Variants in GRID2 observed in about 807,000 individuals in gnomAD.
GRID2 encodes the protein glutamate ionotropic receptor delta type subunit 2.
Under a neutral mutation model 114.8 loss-of-function variants are expected in GRID2, and 33 were observed. The observed-to-expected ratio is 0.29, with a 90% CI of 0.22 to 0.38. The LOEUF (loss-of-function observed/expected upper bound fraction) is 0.38, where lower values mean the gene tolerates loss of function less well. Ranked by LOEUF, GRID2 falls within the 10% of genes least tolerant of loss-of-function variation. The pLI is 1.00. For synonymous variants in GRID2, 505 were observed against 449.9 expected, an observed-to-expected ratio of 1.12 and a Z score of -1.55; for missense variants, 1,184 against 1,257.7, an observed-to-expected ratio of 0.94 and a Z score of 0.89.
intron 2 of GRID2, among the ~76,000 whole-genome samples, chr4:92,969,017 C>T (rs17020040): frequency 0.015 from 2,257 of 151,744 alleles, 21 homozygotes; most frequent in East Asian, 0.054. Context: ...AGAGTTTTTA[C>T]TTAATTACAC....
At chr4:93,621,716 T>C (rs1217871492) in intron 13 of GRID2, among the ~76,000 whole-genome samples, 1 of 152,214 alleles carries the variant, frequency 6.6e-6, no homozygotes, top group Non-Finnish European at 1.5e-5. Context: ...AGTGATTATA[T>C]GTTTTAATTG....
chr4:93,073,330 G>A (rs1461498724), intron 2 of GRID2, among the ~76,000 whole-genome samples: 1 of 152,036 alleles, frequency 6.6e-6, no homozygotes, highest in African/African-American at 2.4e-5. Context: ...GTAAACTTAT[G>A]GTATTGAAGA....
intron 14 of GRID2, among the ~76,000 whole-genome samples, chr4:93,677,340 T>C (rs1462600067): frequency 1.3e-5 from 2 of 152,144 alleles, no homozygotes; most frequent in African/African-American, 4.8e-5. Context: ...AGGCTCCACC[T>C]CTGGGGGCAG....
At chr4:93,656,829 C>CAAAAAAAAAAAAAAA (rs61508444) in intron 14 of GRID2, among the ~76,000 whole-genome samples, 1 of 31,914 alleles carries the variant, frequency 3.1e-5, no homozygotes, top group Non-Finnish European at 5.9e-5. Flanking sequence ...GACTCTGCCT[C>CAAAAAAAAAAAAAAA]AAAAAAAAAA....
At chr4:93,223,514 C>CCATCCTGTGATGTGGG (rs1454460026) in intron 6 of GRID2, among the ~76,000 whole-genome samples, 2 of 152,184 alleles carry the variant, frequency 1.3e-5, no homozygotes, top group African/African-American at 4.8e-5. Context: ...TGTGGGTAGA[C>CCATCCTGTGATGTGGG]TATTTTAAAA....
intron 8 of GRID2, among the ~76,000 whole-genome samples, chr4:93,296,342 A>T (rs1463903176): frequency 6.6e-6 from 1 of 150,404 alleles, no homozygotes. Context: ...CCATGTCAAG[A>T]TCCTTAATTT....
At chr4:92,888,969 T>G (rs1189379116) in intron 2 of GRID2, among the ~76,000 whole-genome samples, 1 of 152,136 alleles carries the variant, frequency 6.6e-6, no homozygotes, top group African/African-American at 2.4e-5. Flanking sequence ...TTGGTAATTG[T>G]CTTTCCTTTA....
chr4:92,554,207 TA>T (rs965304717), intron 1 of GRID2, among the ~76,000 whole-genome samples: 2 of 152,330 alleles, frequency 1.3e-5, no homozygotes, highest in Non-Finnish European at 2.9e-5. Flanking sequence ...GGTGTTAACA[TA>T]ACTTTATATA....
chr4:93,433,316 G>C (rs1468580345), intron 10 of GRID2, among the ~76,000 whole-genome samples: 1 of 152,138 alleles, frequency 6.6e-6, no homozygotes, highest in Non-Finnish European at 1.5e-5. Flanking sequence ...AGGTCTCAAA[G>C]TTTTCAGAGA....
At position 92,932,792 on chromosome 4, in the gene GRID2, T is replaced by TA. The variant is rs543695707; in HGVS notation, c.245-152197dup. On this transcript the variant is annotated intron_variant, in intron 2 of 15. Coordinates refer to ENST00000282020, the MANE Select transcript of GRID2 (RefSeq NM_001510.4). ...GAATCTAAAAAAGTCTTTATTGAGC[T>TA]AAAAAAGTCAGATATAAAAAGTATA... is the stretch of plus-strand genomic sequence containing the variant. 2.7e-3 allele frequency among the ~76,000 whole-genome samples: 410 copies of TA among 151,424 alleles called. 1 individual carries two copies. The highest frequency in any genetic ancestry group is 4.6e-3 in the Non-Finnish European group (313 of 67,510).
At position 92,955,768 on chromosome 4, in the gene GRID2, T is replaced by C. The variant is rs570095167; in HGVS notation, c.245-129227T>C. Among the ~76,000 whole-genome samples the C allele has an allele frequency of 4.7e-3, 710 of 152,290 alleles. 6 individuals carry two copies. The highest frequency in any genetic ancestry group is 0.016 in the African/African-American group (669 of 41,564). ...GTTTTAGGTCTAACGTTTAAGTCTTTAATCCATTTTGAATTGATTTTTGTA... is the reference window on the plus strand; with the variant it reads ...GTTTTAGGTCTAACGTTTAAGTCTTCAATCCATTTTGAATTGATTTTTGTA... On this transcript the variant is annotated intron_variant, in intron 2 of 15. Coordinates refer to ENST00000282020, the MANE Select transcript of GRID2 (RefSeq NM_001510.4).
At chr4:93,247,477 C>T (rs960182981) in intron 8 of GRID2, among the ~76,000 whole-genome samples, 19 of 152,054 alleles carry the variant, frequency 1.2e-4, no homozygotes, top group Non-Finnish European at 2.1e-4. Context: ...TGTTCTCTTG[C>T]GCTCAGACAT....
chr4:93,379,571 C>T (rs1763670447), intron 8 of GRID2, among the ~76,000 whole-genome samples: 1 of 152,022 alleles, frequency 6.6e-6, no homozygotes, highest in African/African-American at 2.4e-5. Context: ...GATAATAATC[C>T]CGCTACATAT....
At chr4:93,327,039 C>T (rs557992174) in intron 8 of GRID2, among the ~76,000 whole-genome samples, 4 of 152,036 alleles carry the variant, frequency 2.6e-5, no homozygotes, top group Admixed American at 2.0e-4. Context: ...TTGCTAATTC[C>T]TCTTCTTCCC....
intron 10 of GRID2, among the ~76,000 whole-genome samples, chr4:93,447,476 CAT>C (rs756122286): frequency 1.4e-4 from 21 of 152,006 alleles, no homozygotes; most frequent in Admixed American, 5.9e-4. Context: ...GTATCAAAAA[CAT>C]GTGTACACCA....
intron 13 of GRID2, among the ~76,000 whole-genome samples, chr4:93,556,023 G>A (rs540132937): frequency 2.0e-5 from 3 of 152,168 alleles, no homozygotes; most frequent in Admixed American, 2.0e-4. Flanking sequence ...GGGCCTGACT[G>A]TTAGAAGGAA....
chr4:93,799,017 G>T (rs1448010517), intron 1 of GRID2, among the ~76,000 whole-genome samples: 1 of 152,180 alleles, frequency 6.6e-6, no homozygotes, highest in Non-Finnish European at 1.5e-5. Context: ...GAGAACAGGA[G>T]CTCCGATCTC....
intron 2 of GRID2, chr4:92,822,352 G>C (rs932146199): frequency 1.8e-5 from 11 of 627,180 alleles, no homozygotes; most frequent in African/African-American, 1.7e-4. Context: ...TGTTCAGATG[G>C]ACTGTGTGGC....
intron 2 of GRID2, among the ~76,000 whole-genome samples, chr4:92,940,520 C>A (rs1203058845): frequency 6.6e-6 from 1 of 152,132 alleles, no homozygotes; most frequent in African/African-American, 2.4e-5. Flanking sequence ...CAAACAGGGA[C>A]AATCTGACTT....
Sources: gnomAD v4.1 joint callset for allele counts (sites outside exome capture counted in the v4.1 genomes callset) on GRCh38, gnomAD v4.1.1 for gene constraint, MANE v1.5 for transcripts, NCBI Gene and HGNC (gene_info 2026-07-23, HGNC 2026-07-21) for gene names.